SLC43A3: variants seen among roughly 807,000 people sequenced by gnomAD.
SLC43A3 encodes the protein equilibrative nucleobase transporter 1.
A neutral mutation model predicts 53.3 loss-of-function variants in SLC43A3; 33 were observed. The observed-to-expected ratio is 0.62, with a 90% CI of 0.47 to 0.83. The LOEUF (loss-of-function observed/expected upper bound fraction) is 0.83. Ranked by LOEUF, SLC43A3 falls within the 40% of genes least tolerant of loss-of-function variation. The pLI is 0.00. For missense variants in SLC43A3, 530 were observed against 610.0 expected (o/e 0.87, Z 1.38); for synonymous variants, 236 against 246.2 (o/e 0.96, Z 0.39).
intron 11 of SLC43A3, among the ~76,000 whole-genome samples, chr11:57,410,936 TGCCTTTCACCTCCTGCCATGATTCTGAG>T (rs1942430036): frequency 6.6e-6 from 1 of 152,206 alleles, no homozygotes; most frequent in African/African-American, 2.4e-5. Context: ...GTGTAAGAAG[TGCCTTTCACCTCCTGCCATGATTCTGAG>T]GCCTTGCCAG....
At position 57,407,538 on chromosome 11, in the gene SLC43A3, C is replaced by G; in HGVS notation, c.*254G>C. The G allele has an allele frequency of 2.4e-6, 1 of 420,098 alleles. No homozygotes were observed. Among genetic ancestry groups the G allele is most frequent in the South Asian group, 2.7e-5 (1 of 36,384 alleles). 26.0% of individuals were successfully genotyped at this position (420,098 alleles called of 1,614,324 possible). A position where few individuals can be genotyped will look rare whatever the true frequency, so the allele number is the denominator to read the frequency against. On this transcript the variant is annotated 3_prime_UTR_variant, in exon 14 of 14. Transcript: ENST00000395124. ...GTCAAGGGTCTGCCAAGGCTAAGTG[C>G]AAGGAGACACTTCTGTTTTGAAATA...
chr11:57,409,348 C>A (rs1423818518), intron 12 of SLC43A3, 50 bp from the exon 13 acceptor site: 1 of 1,610,088 alleles, frequency 6.2e-7, no homozygotes, highest in South Asian at 1.1e-5. Context: ...GACCCTCCCT[C>A]CAAGCAGAAG....
intron 8 of SLC43A3, 36 bp downstream of exon 8, chr11:57,417,712 A>G (rs763511660): frequency 6.2e-7 from 1 of 1,612,260 alleles, no homozygotes; most frequent in South Asian, 1.1e-5. Context: ...AGGGCCAATG[A>G]GGGGCTCTGG....
Position 57,421,377 on chromosome 11 carries a change from G to C in SLC43A3, c.362-4C>G. 1 of 1,612,910 alleles carries C rather than the reference G, an allele frequency of 6.2e-7. No homozygotes were observed. The highest frequency in any genetic ancestry group is 1.1e-5 in the South Asian group (1 of 90,748). ...AGGAAGAGCAGCACGGCTGAGCCTG[G>C]ACCATCAAAGTCAGAGGTAGGGTGG... On this transcript the variant is annotated splice_region_variant and splice_polypyrimidine_tract_variant and intron_variant, in intron 5 of 13. Transcript: ENST00000395124.
rs371665764 is a variant in SLC43A3, at chr11:57,421,076, A to G, written c.439-12T>C. 2.0e-5 allele frequency: 32 copies of G among 1,577,530 alleles called. No individual in the cohort carries two copies. In the African/African-American group the frequency reaches 3.1e-4, roughly 15 times the overall value. On this transcript the variant is annotated splice_polypyrimidine_tract_variant and intron_variant, in intron 6 of 13. Transcript: ENST00000395124. The stretch of plus-strand genomic sequence containing the variant: ...AATAGGTTCCCAATCTGGGGATGAT[A>G]GGACTAGCCTGGATCACTTATTTAT...
At chr11:57,409,662 G>A (rs1490292990) in intron 12 of SLC43A3, among the ~76,000 whole-genome samples, 1 of 152,212 alleles carries the variant, frequency 6.6e-6, no homozygotes, top group Non-Finnish European at 1.5e-5. Flanking sequence ...TTCTTCCCTG[G>A]AGAACTGAAA....
rs1942278595 is a variant in SLC43A3, at chr11:57,408,033, C to T, written c.1372-137G>A. ...ACCGAGTTTATATTCTACTTTTCAC[C>T]CAGACACTATGGTGCCCTGGAGGAA... On this transcript the variant is annotated intron_variant, in intron 13 of 13. Coordinates refer to ENST00000395124, the MANE Select transcript of SLC43A3 (RefSeq NM_199329.3). 6 of 618,574 alleles carry T rather than the reference C, an allele frequency of 9.7e-6. No homozygotes were observed. The Admixed American group carries it at 1.1e-4, about 12-fold the overall frequency. 38.3% of individuals were successfully genotyped at this position (618,574 alleles called of 1,614,324 possible). A position where few individuals can be genotyped will look rare whatever the true frequency, so the allele number is the denominator to read the frequency against.
chr11:57,425,101 G>A (rs1007648360), intron 4 of SLC43A3, among the ~76,000 whole-genome samples: 1 of 152,066 alleles, frequency 6.6e-6, no homozygotes, highest in Non-Finnish European at 1.5e-5. Context: ...GGGGCGGGGA[G>A]GGGGGGCGGT....
intron 5 of SLC43A3, chr11:57,423,661 C>T (rs1170224544): frequency 4.5e-6 from 1 of 223,490 alleles, no homozygotes; most frequent in Admixed American, 5.2e-5. Context: ...AACTCCTGAC[C>T]TCAGATGATC....
chr11:57,418,728 GA>G (rs1942837093), intron 7 of SLC43A3, among the ~76,000 whole-genome samples: 2 of 151,752 alleles, frequency 1.3e-5, no homozygotes, highest in South Asian at 4.2e-4. Flanking sequence ...CGTCTCTACT[GA>G]AAATACAAAA....
chr11:57,409,918 GC>G lies in SLC43A3; in HGVS notation c.1247+16del. On this transcript the variant is annotated intron_variant, in intron 12 of 13. Transcript: ENST00000395124. ...CAGTGTGTCCGTCTCCACAGAGCCC[GC>G]CCCAAGGCCACTTACGCAAGGGTGA... The G allele has an allele frequency of 6.3e-7, 1 of 1,594,754 alleles. No homozygotes were observed. Among genetic ancestry groups the G allele is most frequent in the South Asian group, 1.1e-5 (1 of 88,158 alleles).
At chr11:57,422,550 A>G (rs1381401391) in intron 5 of SLC43A3, among the ~76,000 whole-genome samples, 1 of 152,248 alleles carries the variant, frequency 6.6e-6, no homozygotes, top group Non-Finnish European at 1.5e-5. Flanking sequence ...GCCAAGAGCT[A>G]ATTTTAGAGT....
intron 9 of SLC43A3, 103 bp downstream of exon 9, chr11:57,416,470 C>T: frequency 1.2e-6 from 1 of 840,362 alleles, no homozygotes; most frequent in South Asian, 1.5e-5. Flanking sequence ...TCCTGCCTTT[C>T]CTGATTCTGG....
rs1230845901 is a variant in SLC43A3, at chr11:57,410,113, TGGA to T, written c.1066_1068del (p.Ser356del). 3 of 1,598,878 alleles carry T rather than the reference TGGA, an allele frequency of 1.9e-6. No individual in the cohort carries two copies. The highest frequency in any genetic ancestry group is 2.6e-6 in the Non-Finnish European group (3 of 1,173,590). ...GTCGAGCAGAGGGCCACCGCCAAAG[TGGA>T]GGAACCTGGGCGAACAGAGAGGAAA... On this transcript the variant is annotated inframe_deletion, in exon 12 of 14. Coordinates refer to ENST00000395124, the MANE Select transcript of SLC43A3 (RefSeq NM_199329.3).
chr11:57,409,877 C>G, intron 12 of SLC43A3, 58 bp downstream of exon 12: 2 of 1,483,076 alleles, frequency 1.3e-6, no homozygotes, highest in Non-Finnish European at 9.0e-7. Context: ...TCTTTACCTC[C>G]AGCTTCTCTT....
chr11:57,417,961 G>A, intron 7 of SLC43A3, 74 bp from the exon 8 acceptor site: 2 of 1,421,330 alleles, frequency 1.4e-6, no homozygotes, highest in Non-Finnish European at 1.9e-6. Flanking sequence ...GCCAAAGGAT[G>A]GAAGCAAACT....
In SLC43A3 at chr11:57,409,214, G is replaced by A. The variant is rs1942339983; in HGVS notation, c.1332C>T (p.Phe444=). Residue 444 remains phenylalanine (F), a synonymous_variant, in exon 13 of 14, where the codon TTC becomes TTT. Coordinates refer to ENST00000395124, the MANE Select transcript of SLC43A3 (RefSeq NM_199329.3). ...TCTGAAGGGAGCCTTTGATGAGGGTGAAGATGGGGAACTGGAGCAGAGACA... is the reference window on the plus strand; with the variant it reads ...TCTGAAGGGAGCCTTTGATGAGGGTAAAGATGGGGAACTGGAGCAGAGACA... ...AVVSLLQFPI[F]TLIKGSLQND... The A allele has an allele frequency of 6.2e-7, 1 of 1,614,206 alleles. No homozygotes were observed. The highest frequency in any genetic ancestry group is 8.5e-7 in the Non-Finnish European group (1 of 1,180,010).
chr11:57,419,722 C>T (rs1187179593), intron 7 of SLC43A3, among the ~76,000 whole-genome samples: 1 of 151,290 alleles, frequency 6.6e-6, no homozygotes, highest in Non-Finnish European at 1.5e-5. Context: ...CTTAAACCCA[C>T]TAGGCAGAGA....
intron 5 of SLC43A3, among the ~76,000 whole-genome samples, chr11:57,421,883 C>G (rs1943001447): frequency 6.6e-6 from 1 of 152,218 alleles, no homozygotes. Context: ...ATGGTCTTTT[C>G]TTTGTTCACT....
Sources: gnomAD v4.1 joint callset for allele counts (sites outside exome capture counted in the v4.1 genomes callset) on GRCh38, gnomAD v4.1.1 for gene constraint, MANE v1.5 for transcripts, NCBI Gene and HGNC (gene_info 2026-07-23, HGNC 2026-07-21) for gene names.